PABPC1L: variants seen among roughly 807,000 people sequenced by gnomAD.
PABPC1L encodes poly(A) binding protein cytoplasmic 1 like, also known as polyadenylate-binding protein 1-like.
In PABPC1L, 31 loss-of-function variants were observed where a neutral mutation model predicts 66.6. The ratio of observed to expected loss-of-function variants is 0.47; its 90% CI spans 0.35 to 0.63. The LOEUF is 0.63. PABPC1L is among the 20% of genes least tolerant of loss of function. The pLI is 0.00. For synonymous variants in PABPC1L, 348 were observed against 335.1 expected, an observed-to-expected ratio of 1.04 and a Z score of -0.42; for missense variants, 722 against 848.8, an observed-to-expected ratio of 0.85 and a Z score of 1.86.
intron 7 of PABPC1L, among the ~76,000 whole-genome samples, chr20:44,929,143 C>A (rs928610337): frequency 1.3e-5 from 2 of 151,612 alleles, no homozygotes; most frequent in Admixed American, 1.3e-4. Context: ...GTACCTATAG[C>A]CCTAACTACT....
chr20:44,929,960 A>G (rs2066838565), intron 7 of PABPC1L, among the ~76,000 whole-genome samples: 1 of 152,212 alleles, frequency 6.6e-6, no homozygotes, highest in South Asian at 2.1e-4. Flanking sequence ...AGGCGATAGA[A>G]GCTTACCAGA....
intron 1 of PABPC1L, among the ~76,000 whole-genome samples, chr20:44,912,129 C>T (rs984717709): frequency 2.6e-5 from 4 of 152,188 alleles, no homozygotes; most frequent in Admixed American, 2.6e-4. Flanking sequence ...GGTAATATTA[C>T]CATCATTCCC....
At chr20:44,921,569 G>C (rs993060818) in intron 5 of PABPC1L, 25 bp from the exon 6 acceptor site, 3 of 1,612,910 alleles carry the variant, frequency 1.9e-6, no homozygotes, top group Admixed American at 3.3e-5. Flanking sequence ...TGGTTACCAA[G>C]CATGTTCCCT....
At position 44,918,757 on chromosome 20, in the gene PABPC1L, G is replaced by A. The variant is rs2066753109; in HGVS notation, c.504-149G>A. The stretch of plus-strand genomic sequence containing the variant: ...GGCTATTGGAGGTAGCCGGGCCTTG[G>A]GGATGTTCTAAGGAGTATTGTCCTG... On this transcript the variant is annotated intron_variant, in intron 3 of 14. Transcript: ENST00000217073. 2.3e-5 allele frequency: 19 copies of A among 840,662 alleles called. No homozygotes were observed. In the South Asian group the frequency reaches 3.2e-4, roughly 14 times the overall value. The allele number at this position is 840,662 out of a possible 1,614,324, so 52.1% of individuals were successfully genotyped here. A position where few individuals can be genotyped will look rare whatever the true frequency, so the allele number is the denominator to read the frequency against.
chr20:44,921,047 A>G (rs1273728761), intron 5 of PABPC1L, among the ~76,000 whole-genome samples: 1 of 151,764 alleles, frequency 6.6e-6, no homozygotes, highest in Admixed American at 6.6e-5. Flanking sequence ...TCCTGACCTC[A>G]AGTGATCCAA....
At chr20:44,910,858 C>G (rs1249209412) in intron 1 of PABPC1L, among the ~76,000 whole-genome samples, 1 of 150,892 alleles carries the variant, frequency 6.6e-6, no homozygotes, top group African/African-American at 2.4e-5. Context: ...GGCGCCTCTA[C>G]CTGCACGGGC....
chr20:44,910,207 G>A lies in PABPC1L; in HGVS notation c.64G>A (p.Val22Met), dbSNP rs754243457. 2.0e-4 allele frequency: 309 copies of A among 1,580,276 alleles called. No homozygotes were observed. Among genetic ancestry groups the A allele is most frequent in the Non-Finnish European group, 2.6e-4 (303 of 1,163,522 alleles). The part of the protein sequence containing the change: ...SLYVGDLHPD[V>M]TEAMLYEKFS... ...TTACGTGGGCGATCTGCACCCCGAC[G>A]TGACCGAGGCCATGCTCTATGAGAA... Residue 22 changes from valine to methionine, a missense_variant, in exon 1 of 15, where the codon GTG becomes ATG. Val to Met is a conservative substitution (Grantham distance 21). This residue lies in a region of PABPC1L where 284 missense variants were observed against 294.8 expected (regional missense o/e 0.96). Transcript: ENST00000217073.
rs141741165 is a variant in PABPC1L, at chr20:44,926,795, C to T, written c.972+2539C>T. Among the ~76,000 whole-genome samples the T allele has an allele frequency of 7.3e-3, 1,119 of 152,290 alleles. 6 individuals are homozygous for T. Among genetic ancestry groups the T allele is most frequent in the Non-Finnish European group, 0.013 (875 of 68,034 alleles). ...CTCTTGACCTCAGGTGATCTGCCCGCCTTGGCCTCCCAAAGTGCTGAGATT... is the reference window on the plus strand; with the variant it reads ...CTCTTGACCTCAGGTGATCTGCCCGTCTTGGCCTCCCAAAGTGCTGAGATT... On this transcript the variant is annotated intron_variant, in intron 7 of 14. Transcript: ENST00000217073.
intron 7 of PABPC1L, among the ~76,000 whole-genome samples, chr20:44,925,240 TG>T (rs1469832079): frequency 6.8e-6 from 1 of 147,434 alleles, no homozygotes; most frequent in Non-Finnish European, 1.5e-5. Flanking sequence ...AGCGCCCAGA[TG>T]GTTTTTAAGA....
At position 44,918,928 on chromosome 20, in the gene PABPC1L, C is replaced by T. The variant is rs1230525882; in HGVS notation, c.526C>T (p.Arg176Ter). The change falls in exon 4 of 15, where the codon CGA (arginine) becomes TGA (stop). Residue 176 changes from arginine to a stop codon, truncating the protein, a stop_gained. Transcript: ENST00000217073. LOFTEE classifies it high-confidence loss of function. ...CAGCTTTGTGGGTCACTTCAAGTCTCGACGGGAGCGGGAGGCGGAGCTGGG... is the reference window on the plus strand; with the variant it reads ...CAGCTTTGTGGGTCACTTCAAGTCTTGACGGGAGCGGGAGGCGGAGCTGGG... ...RKVFVGHFKS[R>*]REREAELGAR... 6 of 1,600,992 alleles carry T rather than the reference C, an allele frequency of 3.7e-6. No homozygotes were observed. Among genetic ancestry groups the T allele is most frequent in the East Asian group, 2.2e-5 (1 of 44,852 alleles).
chr20:44,925,210 CAAAAA>C (rs34623911), intron 7 of PABPC1L, among the ~76,000 whole-genome samples: 3 of 75,482 alleles, frequency 4.0e-5, no homozygotes, highest in Non-Finnish European at 7.9e-5. Flanking sequence ...GACTCTGTCT[CAAAAA>C]AAAAAAAAAA....
At chr20:44,932,620 G>C (rs2066869739) in intron 9 of PABPC1L, 188 bp downstream of exon 9, 2 of 542,632 alleles carry the variant, frequency 3.7e-6, no homozygotes, top group Non-Finnish European at 6.5e-6. Context: ...AAGCACAGTG[G>C]TGAGCCAATG....
chr20:44,928,092 G>A (rs927497106), intron 7 of PABPC1L, among the ~76,000 whole-genome samples: 1 of 151,798 alleles, frequency 6.6e-6, no homozygotes, highest in South Asian at 2.1e-4. Flanking sequence ...TTTTTGAGAC[G>A]AAGTCCCACT....
intron 7 of PABPC1L, among the ~76,000 whole-genome samples, chr20:44,927,248 A>C (rs904761055): frequency 1.3e-5 from 2 of 152,180 alleles, no homozygotes; most frequent in Non-Finnish European, 2.9e-5. Context: ...ATAAATACTT[A>C]TACCACTATC....
intron 7 of PABPC1L, among the ~76,000 whole-genome samples, chr20:44,926,228 A>G (rs1043517652): frequency 1.3e-5 from 2 of 152,070 alleles, no homozygotes; most frequent in Non-Finnish European, 2.9e-5. Flanking sequence ...TTATAAATAT[A>G]TCTATTTTTT....
chr20:44,932,759 A>G (rs1227112684), intron 9 of PABPC1L: 1 of 496,748 alleles, frequency 2.0e-6, no homozygotes, highest in Admixed American at 3.3e-5. Context: ...CCTCCTCTGT[A>G]AGAGTGAATT....
intron 7 of PABPC1L, among the ~76,000 whole-genome samples, chr20:44,927,538 G>A (rs1207328890): frequency 1.3e-5 from 2 of 151,834 alleles, no homozygotes; most frequent in African/African-American, 4.8e-5. Flanking sequence ...TAGTAGAGAT[G>A]GGGTGTCACT....
rs114738839 is a variant in PABPC1L, at chr20:44,913,311, A to C, written c.387+458A>C. Among the ~76,000 whole-genome samples, 1,028 of 152,034 alleles carry C rather than the reference A, an allele frequency of 6.8e-3. 17 individuals carry two copies. Among genetic ancestry groups the C allele is most frequent in the African/African-American group, 0.024 (988 of 41,456 alleles). ...CAGTAGGCTAGTCCAGGCTATTCTC[A>C]TGGTATTCTCATGGCAATGGCAGGG... On this transcript the variant is annotated intron_variant, in intron 2 of 14. Transcript: ENST00000217073.
Position 44,918,140 on chromosome 20 carries a change from A to G in PABPC1L, c.504-766A>G, listed in dbSNP as rs538560666. On this transcript the variant is annotated intron_variant, in intron 3 of 14. Transcript: ENST00000217073. ...CAGGAGTTTGAGACTAGCCTGGCCA[A>G]CATGGTGAAACTCCATCTCTACCAA... Among the ~76,000 whole-genome samples the G allele has an allele frequency of 1.9e-3, 294 of 152,296 alleles. 1 individual carries two copies. Among genetic ancestry groups the G allele is most frequent in the Non-Finnish European group, 3.5e-3 (240 of 68,026 alleles).
Sources: allele counts gnomAD v4.1 joint callset (sites outside exome capture counted in the v4.1 genomes callset), GRCh38; gene constraint gnomAD v4.1.1; regional missense constraint gnomAD v4.1.1; transcripts MANE v1.5; gene names NCBI Gene and HGNC (gene_info 2026-07-23, HGNC 2026-07-21).